Variants in MSH6 observed in about 807,000 individuals in gnomAD.
MSH6 encodes the protein DNA mismatch repair protein Msh6.
Under a neutral mutation model 119.1 loss-of-function variants are expected in MSH6, and 85 were observed. The observed-to-expected ratio is 0.71, with a 90% CI of 0.60 to 0.85. MSH6 has a LOEUF of 0.85. Among genes scored for constraint, MSH6 ranks in the 40% least tolerant of loss-of-function variants. The pLI, the probability that MSH6 is intolerant of heterozygous loss-of-function variation, is 0.00. For missense variants in MSH6, 2,163 were observed against 1,655.3 expected, an observed-to-expected ratio of 1.31 and a Z score of -5.32; for synonymous variants, 830 against 586.9, an observed-to-expected ratio of 1.41 and a Z score of -5.99.
Position 47,806,231 on chromosome 2 carries a change from C to T in MSH6, c.3674C>T (p.Thr1225Met), listed in dbSNP as rs63750370. 5.8e-5 allele frequency: 93 copies of T among 1,613,932 alleles called. No individual in the cohort carries two copies. The highest frequency in any genetic ancestry group is 9.9e-5 in the South Asian group (9 of 91,072). ...LGRGTATFDG[T>M]AIANAVVKEL... ...AGAGGTACTGCAACATTTGATGGGA[C>T]GGCAATAGCAAATGCAGTTGTTAAA... Residue 1225 changes from threonine to methionine, a missense_variant, in exon 8 of 10, where the codon ACG (threonine) becomes ATG (methionine). Thr to Met is a moderately conservative substitution (Grantham distance 81). Coordinates refer to ENST00000234420, the MANE Select transcript of MSH6 (RefSeq NM_000179.3).
chr2:47,802,613 A>T (rs1420321707), intron 4 of MSH6, among the ~76,000 whole-genome samples: 1 of 147,844 alleles, frequency 6.8e-6, no homozygotes, highest in African/African-American at 2.5e-5. Context: ...GATTACACGC[A>T]TGAGCCACTG....
Position 47,800,580 on chromosome 2 carries a change from A to T in MSH6, c.2597A>T (p.Lys866Ile), listed in dbSNP as rs190075874. The change falls in exon 4 of 10, where the codon AAA (lysine) becomes ATA (isoleucine). Residue 866 changes from lysine to isoleucine, a missense_variant. Coordinates refer to ENST00000234420, the MANE Select transcript of MSH6 (RefSeq NM_000179.3). ...IDFLSALEGF[K>I]VMCKIIGIME... ...TTTCTTTCTGCTCTGGAAGGATTCA[A>T]AGTAATGTGTAAAATTATAGGGATC... The T allele has an allele frequency of 6.2e-7, 1 of 1,614,156 alleles. No individual in the cohort carries two copies.
At chr2:47,788,955 G>A (rs1286119540) in intron 1 of MSH6, among the ~76,000 whole-genome samples, 12 of 73,352 alleles carry the variant, frequency 1.6e-4, no homozygotes, top group African/African-American at 7.7e-4. Context: ...TTTGTGAGAC[G>A]GAGTCTGTCG....
chr2:47,790,423 G>A (rs1256020741), intron 1 of MSH6, among the ~76,000 whole-genome samples: 2 of 152,246 alleles, frequency 1.3e-5, no homozygotes, highest in East Asian at 1.9e-4. Context: ...TAGAGTATTA[G>A]GTAGCTTTTG....
chr2:47,789,126 A>G (rs1183554069), intron 1 of MSH6, among the ~76,000 whole-genome samples: 4 of 150,308 alleles, frequency 2.7e-5, no homozygotes, highest in East Asian at 2.0e-4. Flanking sequence ...GGGTTTCACC[A>G]TCTTGGCCAG....
intron 2 of MSH6, among the ~76,000 whole-genome samples, chr2:47,794,537 G>T (rs554842456): frequency 6.6e-6 from 1 of 152,196 alleles, no homozygotes; most frequent in South Asian, 2.1e-4. Context: ...CTCCCAAAAT[G>T]CTGGGATTAC....
At chr2:47,794,282 CTTTTTT>C (rs1427845955) in intron 2 of MSH6, among the ~76,000 whole-genome samples, 1 of 151,472 alleles carries the variant, frequency 6.6e-6, no homozygotes, top group East Asian at 2.0e-4. Flanking sequence ...TTTCTTTTTT[CTTTTTT>C]TGAGATGGAG....
Position 47,783,156 on chromosome 2 carries a change from C to T in MSH6, c.-78C>T, listed in dbSNP as rs1454122615. The stretch of plus-strand genomic sequence containing the variant: ...GCGCGCCTCCCCCCAGATTTCCCGC[C>T]AGCAGGAGCCGCGCGGTAGATGCGG... On this transcript the variant is annotated 5_prime_UTR_variant, in exon 1 of 10. Coordinates refer to ENST00000234420, the MANE Select transcript of MSH6 (RefSeq NM_000179.3). 4.4e-6 allele frequency: 7 copies of T among 1,582,568 alleles called. No individual in the cohort carries two copies. Among genetic ancestry groups the T allele is most frequent in the Non-Finnish European group, 6.0e-6 (7 of 1,163,748 alleles).
At chr2:47,783,733 C>G (rs3136230) in intron 1 of MSH6, 1 of 449,316 alleles carries the variant, frequency 2.2e-6, no homozygotes, top group Non-Finnish European at 3.6e-6. Context: ...GCAGGGGAGA[C>G]GCGGAGAGTT....
chr2:47,795,404 C>T (rs1487769733), intron 2 of MSH6, among the ~76,000 whole-genome samples: 2 of 145,844 alleles, frequency 1.4e-5, no homozygotes, highest in African/African-American at 2.5e-5. Context: ...GTCAAGTGTC[C>T]AGCCAACAAG....
At chr2:47,795,715 C>G (rs922804054) in intron 2 of MSH6, among the ~76,000 whole-genome samples, 179 bp from the exon 3 acceptor site, 8 of 151,910 alleles carry the variant, frequency 5.3e-5, no homozygotes, top group African/African-American at 1.9e-4. Flanking sequence ...AAGTAGTCCG[C>G]CCACCTAAGC....
At chr2:47,783,784 G>C in intron 1 of MSH6, 2 of 542,276 alleles carry the variant, frequency 3.7e-6, no homozygotes, top group South Asian at 8.3e-5. Context: ...GCCAGGTGGG[G>C]GTGCTGGGCT....
In MSH6 at chr2:47,792,846, GTT is replaced by G. The variant is rs11335797; in HGVS notation, c.457+1746_457+1747del. On this transcript the variant is annotated intron_variant, in intron 2 of 9. Coordinates refer to ENST00000234420, the MANE Select transcript of MSH6 (RefSeq NM_000179.3). ...ACCACACCTGGCTAATTTTTATATA[GTT>G]TTTTTTTTTTTTTTTTTTTTTTAAA... is the stretch of plus-strand genomic sequence containing the variant. Among the ~76,000 whole-genome samples the G allele has an allele frequency of 4.4e-3, 508 of 114,404 alleles. 1 individual carries two copies. Among genetic ancestry groups the G allele is most frequent in the Admixed American group, 0.01 (106 of 10,576 alleles). 75.1% of individuals were successfully genotyped at this position (114,404 alleles called of 152,430 possible).
In MSH6 at chr2:47,800,893, G is replaced by C. The variant is rs765411990; in HGVS notation, c.2910G>C (p.Trp970Cys). The C allele has an allele frequency of 6.9e-6, 11 of 1,605,018 alleles. No homozygotes were observed. The highest frequency in any genetic ancestry group is 3.4e-6 in the Non-Finnish European group (4 of 1,175,990). The change falls in exon 4 of 10, where the codon TGG (tryptophan) becomes TGC (cysteine). Residue 970 changes from tryptophan to cysteine, a missense_variant. By Grantham distance (215) the Trp-to-Cys change is radical. Transcript: ENST00000234420. Reference sequence around the variant, plus strand: ...TTGGCTGTAGGACCATAGTCTATTGGGGGATTGGTAGGAACCGTTACCAGC... The same window carrying C: ...TTGGCTGTAGGACCATAGTCTATTGCGGGATTGGTAGGAACCGTTACCAGC... ...NRIGCRTIVY[W>C]GIGRNRYQLE... is the part of the protein sequence containing the mutation.
chr2:47,792,154 A>G (rs1309581998), intron 2 of MSH6, among the ~76,000 whole-genome samples: 1 of 151,990 alleles, frequency 6.6e-6, no homozygotes. Flanking sequence ...CCGCCCAGCT[A>G]ATTTTTGTAT....
intron 1 of MSH6, among the ~76,000 whole-genome samples, chr2:47,787,393 T>C (rs994352670): frequency 1.3e-5 from 2 of 152,206 alleles, no homozygotes; most frequent in African/African-American, 4.8e-5. Context: ...AAAAATAATG[T>C]GATTTTAAAC....
rs1553413707 is a variant in MSH6 at position 47,800,320 on chromosome 2, T to G, written c.2337T>G (p.Cys779Trp). Reference protein sequence around the residue: ...FGKRLLKQWLCAPLCNHYAIN... With the variant: ...FGKRLLKQWLWAPLCNHYAIN... The stretch of plus-strand genomic sequence containing the variant: ...AGCGGCTCCTAAAGCAATGGCTTTG[T>G]GCCCCACTCTGTAACCATTATGCTA... Residue 779 changes from cysteine (C) to tryptophan (W), a missense_variant, in exon 4 of 10, where the codon TGT (cysteine) becomes TGG (tryptophan). Transcript: ENST00000234420. 1 of 1,614,170 alleles carries G rather than the reference T, an allele frequency of 6.2e-7. No individual in the cohort carries two copies. The highest frequency in any genetic ancestry group is 1.3e-5 in the African/African-American group (1 of 75,054).
chr2:47,802,874 T>A (rs931993290), intron 4 of MSH6, among the ~76,000 whole-genome samples: 8 of 152,140 alleles, frequency 5.3e-5, no homozygotes, highest in African/African-American at 1.4e-4. Flanking sequence ...TTCTGCTAAG[T>A]AAGAGGCTTA....
At chr2:47,788,574 T>A (rs1345342046) in intron 1 of MSH6, among the ~76,000 whole-genome samples, 1 of 144,564 alleles carries the variant, frequency 6.9e-6, no homozygotes, top group Non-Finnish European at 1.5e-5. Context: ...CTTTTTCTTT[T>A]TTTTTTTTTT....
Sources: gnomAD v4.1 joint callset for allele counts (sites outside exome capture counted in the v4.1 genomes callset) on GRCh38, gnomAD v4.1.1 for gene constraint, MANE v1.5 for transcripts, NCBI Gene and HGNC (gene_info 2026-07-23, HGNC 2026-07-21) for gene names.